The following F13A1 variants were observed in gnomAD, a reference collection of about 807,000 sequenced individuals.
F13A1 encodes the protein FSF, A subunit.
A neutral mutation model predicts 80.1 loss-of-function variants in F13A1; 47 were observed. That is an observed-to-expected ratio of 0.59 (90% confidence interval 0.46 to 0.75). F13A1 has a LOEUF of 0.75. F13A1 is among the 30% of genes least tolerant of loss of function. The probability of loss-of-function intolerance (pLI) is 0.00; values close to 1 mark genes in which losing one functional copy is unlikely to be tolerated. For missense variants in F13A1, 817 were observed against 930.4 expected, an observed-to-expected ratio of 0.88 and a Z score of 1.59; for synonymous variants, 349 against 344.9, an observed-to-expected ratio of 1.01 and a Z score of -0.13.
intron 3 of F13A1, among the ~76,000 whole-genome samples, chr6:6,293,566 C>T (rs769996209): frequency 2.6e-5 from 4 of 151,856 alleles, no homozygotes; most frequent in African/African-American, 4.8e-5. Flanking sequence ...AACTCATGAA[C>T]GCAGTTATCA....
chr6:6,151,954 G>C lies in F13A1; in HGVS notation c.1909-5C>G, dbSNP rs765796998. ...AACTACCTGAGTGCCACGGACCTAAGAGAGAGAATGCAGGTCATTAGCACC... is the reference window on the plus strand; with the variant it reads ...AACTACCTGAGTGCCACGGACCTAACAGAGAGAATGCAGGTCATTAGCACC... On this transcript the variant is annotated splice_polypyrimidine_tract_variant and splice_region_variant and intron_variant, in intron 13 of 14. Coordinates refer to ENST00000264870, the MANE Select transcript of F13A1 (RefSeq NM_000129.4). 2 of 1,613,692 alleles carry C rather than the reference G, an allele frequency of 1.2e-6. No individual in the cohort carries two copies. The highest frequency in any genetic ancestry group is 1.7e-5 in the Admixed American group (1 of 59,970).
intron 8 of F13A1, among the ~76,000 whole-genome samples, chr6:6,199,758 C>T (rs144099904): frequency 1.6e-3 from 244 of 152,244 alleles, no homozygotes; most frequent in African/African-American, 5.4e-3. Flanking sequence ...ATTTGCAAAT[C>T]TCTGTTCGTG....
intron 13 of F13A1, among the ~76,000 whole-genome samples, chr6:6,165,113 A>G (rs1269116835): frequency 6.6e-6 from 1 of 152,176 alleles, no homozygotes; most frequent in Non-Finnish European, 1.5e-5. Flanking sequence ...CTTGGCATGG[A>G]CAGAAGCCAG....
chr6:6,155,794 G>C lies in F13A1; in HGVS notation c.1909-3845C>G, dbSNP rs932274043. 3.3e-5 allele frequency among the ~76,000 whole-genome samples: 5 copies of C among 152,288 alleles called. No individual in the cohort carries two copies. The East Asian group carries it at 5.8e-4, about 18-fold the overall frequency. On this transcript the variant is annotated intron_variant, in intron 13 of 14. Coordinates refer to ENST00000264870, the MANE Select transcript of F13A1 (RefSeq NM_000129.4). The stretch of plus-strand genomic sequence containing the variant: ...TGCTATGGTACCTACAAAATGCTGA[G>C]AACAATGACTATTTGGGGAGAAAAT...
chr6:6,217,766 T>C (rs1047547941), intron 8 of F13A1, among the ~76,000 whole-genome samples: 3 of 152,216 alleles, frequency 2.0e-5, no homozygotes, highest in Non-Finnish European at 2.9e-5. Context: ...TGAAACACCA[T>C]ATGAGTACTG....
intron 10 of F13A1, among the ~76,000 whole-genome samples, chr6:6,188,059 C>T (rs1350034398): frequency 3.3e-5 from 5 of 151,888 alleles, no homozygotes; most frequent in South Asian, 2.1e-4. Flanking sequence ...TCTGTGGGAT[C>T]GGTGGTGATA....
chr6:6,182,676 C>T (rs72817007), intron 10 of F13A1, among the ~76,000 whole-genome samples: 2,365 of 152,198 alleles, frequency 0.016, 29 homozygotes, highest in Non-Finnish European at 0.022. Context: ...CTGTGGCCAT[C>T]GTGAGACAGT....
chr6:6,295,294 G>T (rs1461202137), intron 3 of F13A1, among the ~76,000 whole-genome samples: 2 of 148,644 alleles, frequency 1.3e-5, no homozygotes. Context: ...GGTATTTCTA[G>T]TTCTAGATCT....
chr6:6,145,651 C>A lies in F13A1; in HGVS notation c.2167G>T (p.Asp723Tyr). ...GAAGGTCGTCTTTGAATCTGCACGT[C>A]CAGCTCGCCATACACATGTCTCAGG... Reference protein sequence around the residue: ...DSLRHVYGELDVQIQRRPSM With the variant: ...DSLRHVYGELYVQIQRRPSM Residue 723 changes from aspartate (D) to tyrosine (Y), a missense_variant, in exon 15 of 15, where the codon GAC (aspartate) becomes TAC (tyrosine). By Grantham distance (160) the Asp-to-Tyr change is radical. Transcript: ENST00000264870. The A allele has an allele frequency of 6.2e-7, 1 of 1,614,160 alleles. No individual in the cohort carries two copies. The highest frequency in any genetic ancestry group is 8.5e-7 in the Non-Finnish European group (1 of 1,180,016).
intron 8 of F13A1, among the ~76,000 whole-genome samples, chr6:6,203,917 A>G (rs1166713275): frequency 6.6e-6 from 1 of 152,182 alleles, no homozygotes; most frequent in Admixed American, 6.5e-5. Flanking sequence ...CATAATAAAC[A>G]TGTATTAGGT....
rs190010511 is a variant in F13A1, at chr6:6,246,846, A to C, written c.798+1466T>G. ...GTGTGCCATTTTAGAATGCTTAAGAAGGAATTAATTTAAATTTAACCACTG... is the reference window on the plus strand; with the variant it reads ...GTGTGCCATTTTAGAATGCTTAAGACGGAATTAATTTAAATTTAACCACTG... On this transcript the variant is annotated intron_variant, in intron 6 of 14. Coordinates refer to ENST00000264870, the MANE Select transcript of F13A1 (RefSeq NM_000129.4). Among the ~76,000 whole-genome samples, 31 of 152,358 alleles carry C rather than the reference A, an allele frequency of 2.0e-4. 1 individual carries two copies. In the South Asian group the frequency reaches 5.0e-3, roughly 24 times the overall value.
intron 13 of F13A1, among the ~76,000 whole-genome samples, chr6:6,160,454 A>C (rs1185567511): frequency 6.6e-6 from 1 of 151,748 alleles, no homozygotes; most frequent in Non-Finnish European, 1.5e-5. Context: ...CTCCTGCCTC[A>C]ACTTCCTGAG....
chr6:6,196,482 C>G (rs770949063), intron 9 of F13A1, among the ~76,000 whole-genome samples: 19 of 152,042 alleles, frequency 1.2e-4, no homozygotes, highest in Non-Finnish European at 2.8e-4. Flanking sequence ...ATATATATAC[C>G]AGAACACCAG....
chr6:6,205,345 T>C (rs1231892440), intron 8 of F13A1, among the ~76,000 whole-genome samples: 1 of 152,160 alleles, frequency 6.6e-6, no homozygotes, highest in African/African-American at 2.4e-5. Context: ...CATTAATAAG[T>C]GCTCAGACAC....
chr6:6,181,140 A>C (rs917529739), intron 11 of F13A1, among the ~76,000 whole-genome samples: 1 of 152,174 alleles, frequency 6.6e-6, no homozygotes, highest in African/African-American at 2.4e-5. Context: ...ACGCCCTGTA[A>C]CTTTGGTCAT....
intron 6 of F13A1, among the ~76,000 whole-genome samples, chr6:6,240,147 A>G (rs1037967248): frequency 1.3e-5 from 2 of 152,186 alleles, no homozygotes; most frequent in Non-Finnish European, 2.9e-5. Flanking sequence ...CCAGGAAGCA[A>G]TTCAGGGAAA....
intron 3 of F13A1, among the ~76,000 whole-genome samples, chr6:6,275,980 A>C (rs939892547): frequency 6.6e-6 from 1 of 152,226 alleles, no homozygotes; most frequent in African/African-American, 2.4e-5. Context: ...ATAACATTAC[A>C]CTGCAGATTT....
chr6:6,316,082 T>C (rs1187614543), intron 2 of F13A1, among the ~76,000 whole-genome samples: 38 of 3,610 alleles, frequency 0.011, 3 homozygotes, highest in African/African-American at 0.037. Flanking sequence ...TGTGTGCATA[T>C]ATATATATAT....
chr6:6,266,761 A>G lies in F13A1; in HGVS notation c.368T>C (p.Val123Ala). 2 of 1,614,128 alleles carry G rather than the reference A, an allele frequency of 1.2e-6. No individual in the cohort carries two copies. The highest frequency in any genetic ancestry group is 1.7e-6 in the Non-Finnish European group (2 of 1,180,008). Residue 123 changes from valine (V) to alanine (A), a missense_variant, in exon 4 of 15, where the codon GTC becomes GCC. Val to Ala is a moderately conservative substitution (Grantham distance 64). Coordinates refer to ENST00000264870, the MANE Select transcript of F13A1 (RefSeq NM_000129.4). ...NKGTYIPVPI[V>A]SELQSGKWGA... ...CCACTTTCCACTTTGTAACTCTGAGACTATAGGCACTGGGATGTAGGTTCC... is the reference window on the plus strand; with the variant it reads ...CCACTTTCCACTTTGTAACTCTGAGGCTATAGGCACTGGGATGTAGGTTCC...
Sources: gnomAD v4.1 joint callset for allele counts (sites outside exome capture counted in the v4.1 genomes callset) on GRCh38, gnomAD v4.1.1 for gene constraint, MANE v1.5 for transcripts, NCBI Gene and HGNC (gene_info 2026-07-23, HGNC 2026-07-21) for gene names.